The following CNTNAP5 variants were observed in gnomAD, a reference collection of about 807,000 sequenced individuals.
CNTNAP5 encodes contactin associated protein family member 5, also known as contactin-associated protein-like 5.
CNTNAP5 carries 72 observed loss-of-function variants against 150.2 expected under a neutral mutation model. The observed-to-expected ratio is 0.48, with a 90% CI of 0.40 to 0.58. The LOEUF (loss-of-function observed/expected upper bound fraction) is 0.58. Among genes scored for constraint, CNTNAP5 ranks in the 20% least tolerant of loss-of-function variants. CNTNAP5 has a pLI of 0.00. For missense variants in CNTNAP5, 1,636 were observed against 1,626.2 expected (o/e 1.01, Z -0.10); for synonymous variants, 672 against 619.8 (o/e 1.08, Z -1.25).
intron 13 of CNTNAP5, among the ~76,000 whole-genome samples, chr2:124,714,974 A>G (rs905580072): frequency 7.2e-5 from 11 of 152,224 alleles, no homozygotes; most frequent in African/African-American, 2.4e-4. Context: ...AAGACAAATT[A>G]GAAAGTACAA....
intron 3 of CNTNAP5, among the ~76,000 whole-genome samples, chr2:124,357,504 C>G (rs1388343773): frequency 6.6e-6 from 1 of 151,980 alleles, no homozygotes; most frequent in Admixed American, 6.6e-5. Flanking sequence ...GGAAGGGATC[C>G]AGTTTCAGCT....
intron 11 of CNTNAP5, among the ~76,000 whole-genome samples, chr2:124,603,005 CCCT>C (rs1697020181): frequency 3.3e-5 from 1 of 30,340 alleles, no homozygotes; most frequent in African/African-American, 1.4e-4. Context: ...TTCCCTCTCT[CCCT>C]CCCTCCCTCC....
intron 3 of CNTNAP5, among the ~76,000 whole-genome samples, chr2:124,384,222 C>G (rs1435334007): frequency 6.6e-6 from 1 of 152,130 alleles, no homozygotes. Context: ...TATAAATACT[C>G]CAAGTGTGCT....
chr2:124,396,149 G>A (rs1691237888), intron 3 of CNTNAP5, among the ~76,000 whole-genome samples: 1 of 152,202 alleles, frequency 6.6e-6, no homozygotes, highest in African/African-American at 2.4e-5. Context: ...GTCAAGCTAA[G>A]GAACTCCATA....
intron 5 of CNTNAP5, among the ~76,000 whole-genome samples, chr2:124,435,326 C>G (rs1346289259): frequency 6.6e-6 from 1 of 152,040 alleles, no homozygotes. Flanking sequence ...GCACTCCAGG[C>G]AGGTCGCGTT....
At chr2:124,582,273 A>G (rs921434352) in intron 11 of CNTNAP5, among the ~76,000 whole-genome samples, 1 of 152,096 alleles carries the variant, frequency 6.6e-6, no homozygotes, top group East Asian at 1.9e-4. Flanking sequence ...GCCTCATCGG[A>G]CAGTATTCAA....
At chr2:124,740,918 A>G (rs1378832559) in intron 13 of CNTNAP5, among the ~76,000 whole-genome samples, 5 of 152,132 alleles carry the variant, frequency 3.3e-5, no homozygotes, top group African/African-American at 1.2e-4. Context: ...CTTGAGGTCT[A>G]CACTGGAACT....
chr2:124,850,312 G>T (rs551824829), intron 19 of CNTNAP5, among the ~76,000 whole-genome samples: 2 of 152,196 alleles, frequency 1.3e-5, no homozygotes, highest in African/African-American at 2.4e-5. Context: ...GGATAAAATG[G>T]GTTCTAAATC....
At chr2:124,255,438 C>T (rs1211278771) in intron 3 of CNTNAP5, among the ~76,000 whole-genome samples, 1 of 151,712 alleles carries the variant, frequency 6.6e-6, no homozygotes, top group African/African-American at 2.4e-5. Context: ...GCAGGAGAAT[C>T]GCTTGAACCA....
At chr2:124,170,421 A>G (rs939194516) in intron 1 of CNTNAP5, among the ~76,000 whole-genome samples, 1 of 152,186 alleles carries the variant, frequency 6.6e-6, no homozygotes, top group African/African-American at 2.4e-5. Flanking sequence ...AAATCTTGCC[A>G]GTATTAGCAT....
intron 3 of CNTNAP5, among the ~76,000 whole-genome samples, chr2:124,324,515 T>A (rs1689170026): frequency 6.6e-6 from 1 of 152,182 alleles, no homozygotes; most frequent in South Asian, 2.1e-4. Flanking sequence ...CTGGAGTGCT[T>A]GAGCCTAACA....
At chr2:124,559,893 G>A (rs1350424044) in intron 10 of CNTNAP5, among the ~76,000 whole-genome samples, 1 of 152,130 alleles carries the variant, frequency 6.6e-6, no homozygotes, top group East Asian at 1.9e-4. Flanking sequence ...CTTGAAGGCA[G>A]CTCTACTAGT....
intron 1 of CNTNAP5, among the ~76,000 whole-genome samples, chr2:124,198,064 T>C (rs1685634159): frequency 6.6e-6 from 1 of 152,000 alleles, no homozygotes; most frequent in South Asian, 2.1e-4. Flanking sequence ...CAAAACTTCA[T>C]ATTGAAAGAA....
At chr2:124,386,447 G>A (rs936062125) in intron 3 of CNTNAP5, among the ~76,000 whole-genome samples, 4 of 152,196 alleles carry the variant, frequency 2.6e-5, no homozygotes, top group African/African-American at 9.6e-5. Flanking sequence ...AAAATATGCA[G>A]GGATAGTGAT....
intron 3 of CNTNAP5, among the ~76,000 whole-genome samples, chr2:124,405,698 A>G (rs746356410): frequency 1.3e-4 from 20 of 152,238 alleles, no homozygotes; most frequent in Admixed American, 2.6e-4. Context: ...CACACTGTCA[A>G]GAAAAGTACT....
At chr2:124,283,463 TG>T (rs1688067327) in intron 3 of CNTNAP5, among the ~76,000 whole-genome samples, 1 of 152,152 alleles carries the variant, frequency 6.6e-6, no homozygotes, top group South Asian at 2.1e-4. Context: ...CATGTGTCTT[TG>T]GGACTCAGGT....
chr2:124,453,204 A>C (rs2104812841), intron 6 of CNTNAP5, among the ~76,000 whole-genome samples: 1 of 152,320 alleles, frequency 6.6e-6, no homozygotes, highest in South Asian at 2.1e-4. Flanking sequence ...AACTTTAGGA[A>C]TCAACAGATG....
chr2:124,301,598 C>T (rs1352411466), intron 3 of CNTNAP5, among the ~76,000 whole-genome samples: 3 of 152,200 alleles, frequency 2.0e-5, no homozygotes, highest in Non-Finnish European at 4.4e-5. Context: ...AAGCAGGACA[C>T]ACTCATATCC....
At chr2:124,352,853 C>T (rs567736670) in intron 3 of CNTNAP5, among the ~76,000 whole-genome samples, 3 of 152,230 alleles carry the variant, frequency 2.0e-5, no homozygotes, top group African/African-American at 7.2e-5. Flanking sequence ...TGAATTGACC[C>T]CTTCTTACAA....
Sources: gnomAD v4.1 joint callset for allele counts (sites outside exome capture counted in the v4.1 genomes callset) on GRCh38, gnomAD v4.1.1 for gene constraint, MANE v1.5 for transcripts, NCBI Gene and HGNC (gene_info 2026-07-23, HGNC 2026-07-21) for gene names.